CYP4F12: variants seen among roughly 807,000 people sequenced by gnomAD.
CYP4F12 encodes cytochrome P450 family 4 subfamily F member 12.
A neutral mutation model predicts 56.5 loss-of-function variants in CYP4F12; 60 were observed. The ratio of observed to expected loss-of-function variants is 1.06; its 90% CI spans 0.86 to 1.32. The LOEUF (loss-of-function observed/expected upper bound fraction) is 1.32. Ranked by LOEUF, CYP4F12 falls within the 40% of genes most tolerant of loss-of-function variation. The pLI, the probability that CYP4F12 is intolerant of heterozygous loss-of-function variation, is 0.00. For missense variants in CYP4F12, 711 were observed against 683.5 expected (o/e 1.04, Z -0.45); for synonymous variants, 263 against 264.9 (o/e 0.99, Z 0.07).
rs377066567 is a variant in CYP4F12 at position 15,686,696 on chromosome 19, A to G, written c.1115+1499A>G. 4.7e-3 allele frequency among the ~76,000 whole-genome samples: 711 copies of G among 151,702 alleles called. 6 individuals are homozygous for G. Among genetic ancestry groups the G allele is most frequent in the African/African-American group, 0.016 (674 of 40,974 alleles). The stretch of plus-strand genomic sequence containing the variant: ...GGGAAGCCATAACAAGTGGTTGAGC[A>G]GGGGAGGGGCAGGTCATATCTGGGC... On this transcript the variant is annotated intron_variant, in intron 9 of 12. Coordinates refer to ENST00000550308, the MANE Select transcript of CYP4F12 (RefSeq NM_023944.4).
chr19:15,694,630 T>G (rs1600011357), intron 9 of CYP4F12, among the ~76,000 whole-genome samples: 1 of 152,348 alleles, frequency 6.6e-6, no homozygotes, highest in African/African-American at 2.4e-5. Flanking sequence ...TCATGTCATC[T>G]GCAAACAGGG....
chr19:15,694,173 C>T (rs903986763), intron 9 of CYP4F12, among the ~76,000 whole-genome samples: 3 of 150,054 alleles, frequency 2.0e-5, no homozygotes, highest in Admixed American at 6.6e-5. Context: ...GCGATGCGGG[C>T]TCCTTTTTGG....
chr19:15,682,531 T>C, intron 6 of CYP4F12, 21 bp downstream of exon 6: 1 of 1,611,672 alleles, frequency 6.2e-7, no homozygotes, highest in Non-Finnish European at 8.5e-7. Flanking sequence ...TCCTAGGGCC[T>C]GGGATATGAA....
At chr19:15,691,735 G>C (rs551545220) in intron 9 of CYP4F12, among the ~76,000 whole-genome samples, 1 of 150,288 alleles carries the variant, frequency 6.7e-6, no homozygotes, top group African/African-American at 2.4e-5. Flanking sequence ...ATTGCCTTTT[G>C]ACTTTTTTGG....
intron 3 of CYP4F12, 174 bp downstream of exon 3, chr19:15,678,579 C>A: frequency 1.2e-6 from 1 of 864,984 alleles, no homozygotes; most frequent in East Asian, 2.7e-5. Flanking sequence ...CACTGGGGCT[C>A]CAAGAGGCCT....
chr19:15,694,285 G>C (rs1412409432), intron 9 of CYP4F12, among the ~76,000 whole-genome samples: 1 of 152,056 alleles, frequency 6.6e-6, no homozygotes, highest in African/African-American at 2.4e-5. Context: ...TGGGCAGTAT[G>C]GCCATTTTCA....
chr19:15,683,327 C>G lies in CYP4F12; in HGVS notation c.648-166C>G, dbSNP rs547578672. Among the ~76,000 whole-genome samples the G allele has an allele frequency of 3.9e-5, 6 of 152,268 alleles. No homozygotes were observed. The South Asian group carries it at 1.0e-3, about 26-fold the overall frequency. ...ATAGGATGCAGGGAGAGAAGACAGT[C>G]TAGAGAGTCAGTCTCATGACTGATA... On this transcript the variant is annotated intron_variant, in intron 6 of 12. Transcript: ENST00000550308.
At chr19:15,673,397 C>T in intron 1 of CYP4F12, 132 bp from the exon 2 acceptor site, 2 of 1,000,400 alleles carry the variant, frequency 2.0e-6, no homozygotes, top group Non-Finnish European at 2.9e-6. Context: ...CTTCAGATCT[C>T]AGCCCTCGTT....
intron 1 of CYP4F12, 99 bp downstream of exon 1, chr19:15,673,234 T>G (rs1180007772): frequency 3.6e-6 from 2 of 549,830 alleles, no homozygotes; most frequent in African/African-American, 2.0e-5. Context: ...CATGGGAAAC[T>G]GGGGGTTTCC....
chr19:15,685,853 G>T (rs1423261479), intron 9 of CYP4F12, among the ~76,000 whole-genome samples: 1 of 151,976 alleles, frequency 6.6e-6, no homozygotes, highest in Non-Finnish European at 1.5e-5. Context: ...CTACCCTCCG[G>T]TCCAGTCCAG....
intron 9 of CYP4F12, among the ~76,000 whole-genome samples, chr19:15,688,215 G>A (rs1231888971): frequency 6.6e-6 from 1 of 152,150 alleles, no homozygotes; most frequent in African/African-American, 2.4e-5. Context: ...GGAGCTAGAT[G>A]AGGCTTACTG....
At position 15,697,070 on chromosome 19, in the gene CYP4F12, T is replaced by G. The variant is rs770202636; in HGVS notation, c.1560T>G (p.Asn520Lys). The G allele has an allele frequency of 6.2e-7, 1 of 1,613,550 alleles. No individual in the cohort carries two copies. Among genetic ancestry groups the G allele is most frequent in the Non-Finnish European group, 8.5e-7 (1 of 1,179,638 alleles). The change falls in exon 13 of 13, where the codon AAT becomes AAG. Residue 520 changes from asparagine (N) to lysine (K), a missense_variant. Coordinates refer to ENST00000550308, the MANE Select transcript of CYP4F12 (RefSeq NM_023944.4). The part of the protein sequence containing the change: ...GGLWLRVEPL[N>K]VSLQ The stretch of plus-strand genomic sequence containing the variant: ...TTTGGCTGCGGGTGGAGCCCCTGAA[T>G]GTAAGCTTGCAGTGACTTTCTGACC...
chr19:15,686,059 C>T (rs932686272), intron 9 of CYP4F12, among the ~76,000 whole-genome samples: 2 of 152,172 alleles, frequency 1.3e-5, no homozygotes, highest in African/African-American at 4.8e-5. Context: ...GTACTCCCAG[C>T]CTAGTAGGAA....
rs755104387 is a variant in CYP4F12 at position 15,696,379 on chromosome 19, C to T, written c.1315-51C>T. 6 of 1,612,818 alleles carry T rather than the reference C, an allele frequency of 3.7e-6. No individual in the cohort carries two copies. In the East Asian group the frequency reaches 1.1e-4, roughly 30 times the overall value. Reference sequence around the variant, plus strand: ...AACACACACAAGTGTCTCTCCAAGGCTGCTGGACATAGGAAATCCCACTGG... The same window carrying T: ...AACACACACAAGTGTCTCTCCAAGGTTGCTGGACATAGGAAATCCCACTGG... On this transcript the variant is annotated intron_variant, in intron 11 of 12. Transcript: ENST00000550308.
Position 15,680,271 on chromosome 19 carries a change from T to C in CYP4F12, c.371T>C (p.Phe124Ser), listed in dbSNP as rs146740964. ...SAAIAPKDNL[F>S]IRFLKPWLGE... ...GCCATTGCACCCAAGGATAATCTCT[T>C]CATCAGGTTCCTGAAGCCCTGGCTG... is the stretch of plus-strand genomic sequence containing the variant. The change falls in exon 4 of 13, where the codon TTC (phenylalanine) becomes TCC (serine). Residue 124 changes from phenylalanine (F) to serine (S), a missense_variant. Physicochemically the swap from Phe to Ser is radical, Grantham distance 155 (BLOSUM62 -2). Transcript: ENST00000550308. 6,431 of 1,608,300 alleles carry C rather than the reference T, an allele frequency of 4.0e-3. 40 individuals carry two copies. In the African/African-American group the frequency reaches 0.077, roughly 19 times the overall value.
chr19:15,677,679 C>T lies in CYP4F12; in HGVS notation c.199-582C>T, dbSNP rs1470420675. 2.7e-5 allele frequency among the ~76,000 whole-genome samples: 4 copies of T among 147,854 alleles called. 1 individual carries two copies. Among genetic ancestry groups the T allele is most frequent in the African/African-American group, 1.0e-4 (4 of 39,394 alleles). On this transcript the variant is annotated intron_variant, in intron 2 of 12. Transcript: ENST00000550308. ...TCACTCACTCATTCCTCTCCTCACT[C>T]ACTCATTCCTCTCCTCCCTCACTTA...
intron 12 of CYP4F12, 118 bp from the exon 13 acceptor site, chr19:15,696,790 T>TTCTC (rs368441035): frequency 1.5e-6 from 2 of 1,312,078 alleles, no homozygotes; most frequent in South Asian, 1.5e-5. Flanking sequence ...CGCTTAGTCT[T>TTCTC]TCTCTCTCTC....
chr19:15,693,975 G>A (rs1040643449), intron 9 of CYP4F12, among the ~76,000 whole-genome samples: 4 of 150,696 alleles, frequency 2.7e-5, no homozygotes, highest in Non-Finnish European at 4.4e-5. Context: ...TTTTTCTCAG[G>A]TTTGTCAAAG....
chr19:15,673,833 G>T (rs1471782428), intron 2 of CYP4F12, 106 bp downstream of exon 2: 1 of 1,304,286 alleles, frequency 7.7e-7, no homozygotes, highest in Admixed American at 2.2e-5. Context: ...TGGGGTCTGC[G>T]ACCCCAGAGA....
Sources: allele counts gnomAD v4.1 joint callset (sites outside exome capture counted in the v4.1 genomes callset), GRCh38; gene constraint gnomAD v4.1.1; transcripts MANE v1.5; gene names NCBI Gene and HGNC (gene_info 2026-07-23, HGNC 2026-07-21).